Variants in MMUT observed in about 807,000 individuals in gnomAD.
MMUT encodes methylmalonyl-CoA mutase, mitochondrial.
Under a neutral mutation model 79.9 loss-of-function variants are expected in MMUT, and 79 were observed. The observed-to-expected ratio is 0.99, with a 90% CI of 0.82 to 1.19. MMUT has a LOEUF of 1.19. Among genes scored for constraint, MMUT ranks in the 50% most tolerant of loss-of-function variants. The pLI is 0.00. For synonymous variants in MMUT, 273 were observed against 295.7 expected (o/e 0.92, Z 0.79); for missense variants, 860 against 917.2 (o/e 0.94, Z 0.81).
At chr6:49,448,554 A>T (rs1373469550) in intron 7 of MMUT, among the ~76,000 whole-genome samples, 1 of 152,114 alleles carries the variant, frequency 6.6e-6, no homozygotes, top group Non-Finnish European at 1.5e-5. Context: ...TGTCATCTTC[A>T]AAATGTTAAT....
chr6:49,449,354 G>A (rs904389903), intron 6 of MMUT, among the ~76,000 whole-genome samples: 4 of 151,982 alleles, frequency 2.6e-5, no homozygotes, highest in Non-Finnish European at 5.9e-5. Flanking sequence ...TTCAATCATA[G>A]CTTCATATAT....
chr6:49,447,568 G>T, intron 8 of MMUT, 102 bp downstream of exon 8: 1 of 695,702 alleles, frequency 1.4e-6, no homozygotes, highest in Non-Finnish European at 2.5e-6. Flanking sequence ...CACACCTCAT[G>T]CTGTTGTAAG....
At chr6:49,438,623 G>T (rs1767194176) in intron 11 of MMUT, among the ~76,000 whole-genome samples, 1 of 151,904 alleles carries the variant, frequency 6.6e-6, no homozygotes. Flanking sequence ...TATGTGTTAT[G>T]GTTAATACTC....
chr6:49,457,158 T>C (rs937634411), intron 3 of MMUT, among the ~76,000 whole-genome samples: 8 of 152,060 alleles, frequency 5.3e-5, no homozygotes, highest in African/African-American at 1.4e-4. Flanking sequence ...GAGTGAATAA[T>C]GGGGGGAAAT....
In MMUT at chr6:49,431,281, T is replaced by C. The variant is rs1766965623; in HGVS notation, c.*447A>G. 6.5e-6 allele frequency: 1 copy of C among 153,472 alleles called. No individual in the cohort carries two copies. Among genetic ancestry groups the C allele is most frequent in the Non-Finnish European group, 1.4e-5 (1 of 69,014 alleles). The allele number at this position is 153,472 out of a possible 1,614,324, so 9.5% of individuals were successfully genotyped here. On this transcript the variant is annotated 3_prime_UTR_variant, in exon 13 of 13. Transcript: ENST00000274813. The stretch of plus-strand genomic sequence containing the variant: ...TTGCCACGTAAATACACTCCACTAG[T>C]TTTTCAAGATAGGTTTTTATTAATA...
chr6:49,437,291 TG>T (rs1281902472), intron 11 of MMUT, among the ~76,000 whole-genome samples: 2 of 152,130 alleles, frequency 1.3e-5, no homozygotes. Context: ...CTGATTTTTA[TG>T]TTGTGAATAT....
At chr6:49,438,345 C>A (rs896291452) in intron 11 of MMUT, among the ~76,000 whole-genome samples, 1 of 151,760 alleles carries the variant, frequency 6.6e-6, no homozygotes, top group Non-Finnish European at 1.5e-5. Context: ...TAAAAAAAGA[C>A]AACAAAAATA....
At chr6:49,438,021 T>C (rs1767177720) in intron 11 of MMUT, among the ~76,000 whole-genome samples, 1 of 152,144 alleles carries the variant, frequency 6.6e-6, no homozygotes, top group Non-Finnish European at 1.5e-5. Context: ...TTTCATACTA[T>C]GTACGAAATA....
intron 9 of MMUT, among the ~76,000 whole-genome samples, chr6:49,442,780 TAGAA>T (rs1767310059): frequency 6.6e-6 from 1 of 151,852 alleles, no homozygotes; most frequent in Non-Finnish European, 1.5e-5. Context: ...GTTCTAAAAA[TAGAA>T]AGAAGGGCAT....
At chr6:49,442,194 G>T (rs1351501955) in intron 9 of MMUT, among the ~76,000 whole-genome samples, 1 of 151,958 alleles carries the variant, frequency 6.6e-6, no homozygotes, top group Non-Finnish European at 1.5e-5. Context: ...TTCAACATTT[G>T]TCAACCAAGA....
Position 49,431,599 on chromosome 6 carries a change from T to C in MMUT, c.*129A>G. The C allele has an allele frequency of 5.1e-6, 5 of 987,606 alleles. No individual in the cohort carries two copies. The South Asian group carries it at 5.9e-5, about 12-fold the overall frequency. 61.2% of individuals were successfully genotyped at this position (987,606 alleles called of 1,614,324 possible). A position where few individuals can be genotyped will look rare whatever the true frequency, so the allele number is the denominator to read the frequency against. Reference sequence around the variant, plus strand: ...TGACACCAGGCCTATAAGTAAGGTATTTTAAAGTAAAGCTTTCAAGGAAAG... The same window carrying C: ...TGACACCAGGCCTATAAGTAAGGTACTTTAAAGTAAAGCTTTCAAGGAAAG... On this transcript the variant is annotated 3_prime_UTR_variant, in exon 13 of 13. Transcript: ENST00000274813.
chr6:49,442,080 G>A (rs1363254438), intron 9 of MMUT, 109 bp from the exon 10 acceptor site: 3 of 1,196,320 alleles, frequency 2.5e-6, no homozygotes, highest in East Asian at 2.8e-5. Flanking sequence ...GTAAATGACT[G>A]TAAAAATGTA....
intron 8 of MMUT, among the ~76,000 whole-genome samples, chr6:49,445,702 A>G (rs1050528300): frequency 6.6e-6 from 1 of 152,098 alleles, no homozygotes; most frequent in African/African-American, 2.4e-5. Context: ...AAATAACAAG[A>G]AAAAAGTCTG....
At chr6:49,433,807 C>T (rs143825794) in intron 12 of MMUT, among the ~76,000 whole-genome samples, 8 of 152,252 alleles carry the variant, frequency 5.3e-5, no homozygotes, top group African/African-American at 1.9e-4. Context: ...CAACATTTTA[C>T]ATATTCACTG....
chr6:49,443,693 T>A (rs1308026613), intron 9 of MMUT: 2 of 287,486 alleles, frequency 7.0e-6, no homozygotes, highest in Non-Finnish European at 1.4e-5. Context: ...ATTAACACAT[T>A]AAGTGCCATA....
chr6:49,435,606 G>C lies in MMUT; in HGVS notation c.1974C>G (p.Ala658=). The C allele has an allele frequency of 6.2e-7, 1 of 1,613,828 alleles. No individual in the cohort carries two copies. Residue 658 remains alanine, a synonymous_variant, in exon 12 of 13, where the codon GCC becomes GCG. Transcript: ENST00000274813. The stretch of plus-strand genomic sequence containing the variant: ...GCACATCCGCATCCACAGCCTGCTG[G>C]GCCACTTCACGAGGAGTCTAAACAG... ...GPLFQTPREV[A]QQAVDADVHA...
intron 8 of MMUT, among the ~76,000 whole-genome samples, chr6:49,446,625 C>G (rs1767415883): frequency 6.6e-6 from 1 of 151,722 alleles, no homozygotes; most frequent in Admixed American, 6.6e-5. Context: ...AAACAATACA[C>G]AAAAACAACA....
At chr6:49,437,777 C>T (rs1489086337) in intron 11 of MMUT, among the ~76,000 whole-genome samples, 2 of 151,776 alleles carry the variant, frequency 1.3e-5, no homozygotes, top group Non-Finnish European at 2.9e-5. Flanking sequence ...TTTTCTTCAC[C>T]GTACTGCTTG....
chr6:49,434,121 A>G (rs1445890721), intron 12 of MMUT, among the ~76,000 whole-genome samples: 1 of 152,104 alleles, frequency 6.6e-6, no homozygotes, highest in Non-Finnish European at 1.5e-5. Flanking sequence ...CTTACATTTT[A>G]ATATCATGCC....
Sources: gnomAD v4.1 joint callset for allele counts (sites outside exome capture counted in the v4.1 genomes callset) on GRCh38, gnomAD v4.1.1 for gene constraint, MANE v1.5 for transcripts, NCBI Gene and HGNC (gene_info 2026-07-23, HGNC 2026-07-21) for gene names.